Variants in HIC2 observed in about 807,000 individuals in gnomAD.
The protein encoded by HIC2 is HIC ZBTB transcriptional repressor 2.
In HIC2, 2 loss-of-function variants were observed where a neutral mutation model predicts 39.5. That is an observed-to-expected ratio of 0.05 (90% CI 0.02 to 0.16). HIC2 has a LOEUF of 0.16. Among genes scored for constraint, HIC2 ranks in the 10% least tolerant of loss-of-function variants. The probability of loss-of-function intolerance (pLI) is 1.00; values close to 1 mark genes in which losing one functional copy is unlikely to be tolerated. For synonymous variants in HIC2, 399 were observed against 368.8 expected (o/e 1.08, Z -0.94); for missense variants, 713 against 863.5 (o/e 0.83, Z 2.18).
rs1923896486 is a variant in HIC2, at chr22:21,447,149, C to T, written c.*406C>T. Reference sequence around the variant, plus strand: ...CCCGCTGGCCGTGTCTGTGTGTGTGCACGTGTGCTTGTGTCTGTGCGGGCG... The same window carrying T: ...CCCGCTGGCCGTGTCTGTGTGTGTGTACGTGTGCTTGTGTCTGTGCGGGCG... On this transcript the variant is annotated 3_prime_UTR_variant, in exon 3 of 3. Coordinates refer to ENST00000407464, the MANE Select transcript of HIC2 (RefSeq NM_015094.3). The T allele has an allele frequency of 9.1e-6, 2 of 220,622 alleles. No individual in the cohort carries two copies. The highest frequency in any genetic ancestry group is 1.1e-4 in the East Asian group (1 of 8,816). 13.7% of individuals were successfully genotyped at this position (220,622 alleles called of 1,614,324 possible).
In HIC2 at chr22:21,445,883, C is replaced by T. The variant is rs1218253528; in HGVS notation, c.988C>T (p.Leu330Phe). The change falls in exon 3 of 3, where the codon CTC becomes TTC. Residue 330 changes from leucine (L) to phenylalanine (F), a missense_variant. Leu to Phe is a conservative substitution (Grantham distance 22). Around this residue, in one of 5 missense-constraint regions of HIC2, gnomAD observed 457 missense variants for 420.2 expected, o/e 1.09. Transcript: ENST00000407464. Reference protein sequence around the residue: ...EAPGGQPRKSLRHSTRKKEWG... With the variant: ...EAPGGQPRKSFRHSTRKKEWG... The stretch of plus-strand genomic sequence containing the variant: ...GCCTGGTGGGCAGCCTCGGAAGAGC[C>T]TCCGGCACTCCACTCGGAAGAAGGA... The T allele has an allele frequency of 1.2e-6, 2 of 1,601,032 alleles. No individual in the cohort carries two copies. Among genetic ancestry groups the T allele is most frequent in the South Asian group, 1.1e-5 (1 of 89,838 alleles).
rs1924142774 is a variant in HIC2 at position 21,450,802 on chromosome 22, A to C, written c.*4059A>C. 1 of 152,722 alleles carries C rather than the reference A, an allele frequency of 6.5e-6. No homozygotes were observed. Among genetic ancestry groups the C allele is most frequent in the Non-Finnish European group, 1.5e-5 (1 of 68,030 alleles). The allele number at this position is 152,722 out of a possible 1,614,324, so 9.5% of individuals were successfully genotyped here. On this transcript the variant is annotated 3_prime_UTR_variant, in exon 3 of 3. Transcript: ENST00000407464. ...ATTCCACGCCGGGGTGGGGGTGGGC[A>C]TGAGCGGTGGGAACTGAGGCTGCCC...
rs202211373 is a variant in HIC2 at position 21,446,289 on chromosome 22, C to T, written c.1394C>T (p.Thr465Met). 84 of 1,613,298 alleles carry T rather than the reference C, an allele frequency of 5.2e-5. No individual in the cohort carries two copies. The highest frequency in any genetic ancestry group is 2.0e-4 in the Admixed American group (12 of 60,014). ...CTCAATGCGCACGTGGAGACTCACA[C>T]GGAGGAAGAGCTGTTCATCAAGGAA... ...EQLNAHVETH[T>M]EEELFIKEEG... Residue 465 changes from threonine (T) to methionine (M), a missense_variant, in exon 3 of 3, where the codon ACG becomes ATG. Physicochemically the swap from Thr to Met is moderately conservative, Grantham distance 81. Transcript: ENST00000407464.
Position 21,445,886 on chromosome 22 carries a change from C to T in HIC2, c.991C>T (p.Arg331Trp), listed in dbSNP as rs757857749. 17 of 1,600,810 alleles carry T rather than the reference C, an allele frequency of 1.1e-5. No homozygotes were observed. The highest frequency in any genetic ancestry group is 1.7e-4 in the Middle Eastern group (1 of 5,986). Reference protein sequence around the residue: ...APGGQPRKSLRHSTRKKEWGK... With the variant: ...APGGQPRKSLWHSTRKKEWGK... ...TGGTGGGCAGCCTCGGAAGAGCCTC[C>T]GGCACTCCACTCGGAAGAAGGAGTG... Residue 331 changes from arginine (R) to tryptophan (W), a missense_variant, in exon 3 of 3, where the codon CGG becomes TGG. By Grantham distance (101) the Arg-to-Trp change is moderately radical (BLOSUM62 -3). Coordinates refer to ENST00000407464, the MANE Select transcript of HIC2 (RefSeq NM_015094.3).
rs1182597619 is a variant in HIC2, at chr22:21,421,639, G to A, written c.-74+4079G>A. Among the ~76,000 whole-genome samples the A allele has an allele frequency of 1.0e-4, 10 of 96,988 alleles. 3 individuals are homozygous for A. The allele number at this position is 96,988 out of a possible 152,430, so 63.6% of individuals were successfully genotyped here. A position where few individuals can be genotyped will look rare whatever the true frequency, so the allele number is the denominator to read the frequency against. ...GTCCTTCTAATGGTGAGAGGGAACA[G>A]GGATGGGTCAGCTAGGTGCCTCTTA... On this transcript the variant is annotated intron_variant, in intron 1 of 2. Transcript: ENST00000407464.
chr22:21,450,124 GTA>G lies in HIC2; in HGVS notation c.*3383_*3384del, dbSNP rs1924087782. On this transcript the variant is annotated 3_prime_UTR_variant, in exon 3 of 3. Coordinates refer to ENST00000407464, the MANE Select transcript of HIC2 (RefSeq NM_015094.3). ...TCAATATGTTTGTGCAGTGATGAAT[GTA>G]TTTATTTCTCAGACTTGGGGCGAGT... 6.5e-6 allele frequency: 1 copy of G among 152,820 alleles called. No homozygotes were observed. The highest frequency in any genetic ancestry group is 2.1e-4 in the South Asian group (1 of 4,838). 9.5% of individuals were successfully genotyped at this position (152,820 alleles called of 1,614,324 possible).
Position 21,446,788 on chromosome 22 carries a change from AACCC to A in HIC2, c.*47_*50del. ...GCCCTCTGCCACCTTGCTCCCCGGG[AACCC>A]ATGGAAGGAGAAGCGAGGTGATGCA... On this transcript the variant is annotated 3_prime_UTR_variant, in exon 3 of 3. Coordinates refer to ENST00000407464, the MANE Select transcript of HIC2 (RefSeq NM_015094.3). The A allele has an allele frequency of 1.3e-6, 2 of 1,562,276 alleles. No individual in the cohort carries two copies. Among genetic ancestry groups the A allele is most frequent in the Non-Finnish European group, 1.7e-6 (2 of 1,151,938 alleles).
intron 1 of HIC2, among the ~76,000 whole-genome samples, chr22:21,432,568 C>T (rs1291975871): frequency 1.0e-5 from 1 of 95,738 alleles, no homozygotes; most frequent in Admixed American, 1.1e-4. Flanking sequence ...CCCAGCTACT[C>T]GGGAGGCTGA....
Position 21,430,883 on chromosome 22 carries a change from A to C in HIC2, c.-73-11876A>C, listed in dbSNP as rs1462768365. Among the ~76,000 whole-genome samples the C allele has an allele frequency of 8.1e-5, 9 of 111,152 alleles. No individual in the cohort carries two copies. The East Asian group carries it at 1.5e-3, about 19-fold the overall frequency. The allele number at this position is 111,152 out of a possible 152,430, so 72.9% of individuals were successfully genotyped here. On this transcript the variant is annotated intron_variant, in intron 1 of 2. Transcript: ENST00000407464. ...AAGACTCAAAAAAAAAAAAAAAAAA[A>C]CAAAGGTAAATTACATGTATATATG...
At position 21,446,393 on chromosome 22, in the gene HIC2, G is replaced by A; in HGVS notation, c.1498G>A (p.Ala500Thr). The A allele has an allele frequency of 6.2e-7, 1 of 1,612,224 alleles. No homozygotes were observed. Residue 500 changes from alanine (A) to threonine (T), a missense_variant, in exon 3 of 3, where the codon GCT becomes ACT. Transcript: ENST00000407464. ...DLSAPSAAYT[A>T]EPRPFKCSVC... is the part of the protein sequence containing the mutation. ...GTCAGCACCCAGTGCGGCCTACACG[G>A]CTGAGCCCCGGCCCTTCAAGTGTTC...
At position 21,446,647 on chromosome 22, in the gene HIC2, G is replaced by C. The variant is rs772427954; in HGVS notation, c.1752G>C (p.Ser584=). ...TCACGGAGCACATGCGTGTGCACTC[G>C]GGCGAGAAACCTTACGAGTGCCAGC... ...YRLTEHMRVH[S]GEKPYECQLC... is the part of the protein sequence containing the mutation. Residue 584 remains serine, a synonymous_variant, in exon 3 of 3, where the codon TCG becomes TCC. Transcript: ENST00000407464. 6.2e-7 allele frequency: 1 copy of C among 1,613,842 alleles called. No homozygotes were observed. Among genetic ancestry groups the C allele is most frequent in the Non-Finnish European group, 8.5e-7 (1 of 1,180,008 alleles).
intron 2 of HIC2, among the ~76,000 whole-genome samples, chr22:21,444,142 G>C (rs979071676): frequency 6.6e-6 from 1 of 152,252 alleles, no homozygotes; most frequent in Non-Finnish European, 1.5e-5. Context: ...CTTGCTTACT[G>C]ATCTCAGTTA....
chr22:21,425,895 A>G (rs1923225795), intron 1 of HIC2, among the ~76,000 whole-genome samples: 1 of 149,366 alleles, frequency 6.7e-6, no homozygotes, highest in Non-Finnish European at 1.5e-5. Flanking sequence ...CATTTTTAGT[A>G]GAGATGGGGT....
At position 21,445,856 on chromosome 22, in the gene HIC2, G is replaced by T. The variant is rs1923785653; in HGVS notation, c.961G>T (p.Ala321Ser). The T allele has an allele frequency of 6.3e-7, 1 of 1,592,970 alleles. No individual in the cohort carries two copies. ...GGACAACCACCTGAGCCTGCTGGAGGCGCCTGGTGGGCAGCCTCGGAAGAG... is the reference window on the plus strand; with the variant it reads ...GGACAACCACCTGAGCCTGCTGGAGTCGCCTGGTGGGCAGCCTCGGAAGAG... ...AEDNHLSLLE[A>S]PGGQPRKSLR... Residue 321 changes from alanine to serine, a missense_variant, in exon 3 of 3, where the codon GCG becomes TCG. Around this residue, in one of 5 missense-constraint regions of HIC2, gnomAD observed 457 missense variants for 420.2 expected, o/e 1.09. Transcript: ENST00000407464.
chr22:21,444,498 C>G (rs1923691756), intron 2 of HIC2, among the ~76,000 whole-genome samples: 2 of 152,362 alleles, frequency 1.3e-5, no homozygotes, highest in East Asian at 1.9e-4. Context: ...AAGACAAGCT[C>G]CTCTCACGGA....
intron 2 of HIC2, among the ~76,000 whole-genome samples, chr22:21,444,047 A>G (rs951445891): frequency 6.6e-6 from 1 of 152,084 alleles, no homozygotes; most frequent in African/African-American, 2.4e-5. Context: ...GCACCCGCTC[A>G]GAACCCCATG....
chr22:21,418,233 A>G (rs1226094255), intron 1 of HIC2, among the ~76,000 whole-genome samples: 2 of 103,588 alleles, frequency 1.9e-5, no homozygotes, highest in Non-Finnish European at 3.9e-5. Flanking sequence ...GTCGGCTTTC[A>G]GGGGGAAGGG....
At chr22:21,444,843 G>C (rs183419647) in intron 2 of HIC2, 79 bp from the exon 3 acceptor site, 21 of 1,507,118 alleles carry the variant, frequency 1.4e-5, no homozygotes, top group Non-Finnish European at 1.9e-5. Context: ...CCTTTGCCTC[G>C]TCGAGCCCCA....
chr22:21,421,626 G>T (rs1254325870), intron 1 of HIC2, among the ~76,000 whole-genome samples: 1 of 92,460 alleles, frequency 1.1e-5, no homozygotes, highest in Admixed American at 1.0e-4. Context: ...CCTTCTAATG[G>T]TGAGAGGGAA....
Sources: allele counts gnomAD v4.1 joint callset (sites outside exome capture counted in the v4.1 genomes callset), GRCh38; gene constraint gnomAD v4.1.1; regional missense constraint gnomAD v4.1.1; transcripts MANE v1.5; gene names NCBI Gene and HGNC (gene_info 2026-07-23, HGNC 2026-07-21).